SUN3: variants seen among roughly 807,000 people sequenced by gnomAD.
SUN3 encodes Sad1 and UNC84 domain containing 3, also known as SUN domain-containing protein 3.
SUN3 carries 36 observed loss-of-function variants against 48.2 expected under a neutral mutation model. The ratio of observed to expected loss-of-function variants is 0.75; its 90% CI spans 0.57 to 0.99. The LOEUF is 0.99. Ranked by LOEUF, SUN3 falls within the 50% of genes least tolerant of loss-of-function variation. SUN3 has a pLI of 0.00. For synonymous variants in SUN3, 148 were observed against 147.9 expected (o/e 1.00, Z 0.00); for missense variants, 419 against 433.1 (o/e 0.97, Z 0.29).
intron 3 of SUN3, among the ~76,000 whole-genome samples, chr7:48,013,063 T>C (rs1229738429): frequency 6.6e-6 from 1 of 152,190 alleles, no homozygotes; most frequent in Non-Finnish European, 1.5e-5. Context: ...CATAAATGGA[T>C]TAAGACTGTG....
chr7:47,988,095 T>C (rs1788951195), intron 9 of SUN3, among the ~76,000 whole-genome samples: 1 of 152,168 alleles, frequency 6.6e-6, no homozygotes, highest in South Asian at 2.1e-4. Flanking sequence ...TGAGCCCAAA[T>C]GCATATGAAT....
chr7:48,027,637 G>A (rs1167059430), intron 1 of SUN3, among the ~76,000 whole-genome samples: 5 of 152,164 alleles, frequency 3.3e-5, no homozygotes, highest in African/African-American at 1.2e-4. Flanking sequence ...TTCATTAACT[G>A]TATTCACTAG....
At chr7:48,013,450 T>C (rs192154288) in intron 3 of SUN3, among the ~76,000 whole-genome samples, 1 of 152,314 alleles carries the variant, frequency 6.6e-6, no homozygotes, top group African/African-American at 2.4e-5. Flanking sequence ...TATCAAATCA[T>C]TGGGATTCAA....
chr7:47,996,351 T>G (rs1213075761), intron 6 of SUN3, among the ~76,000 whole-genome samples: 2 of 152,182 alleles, frequency 1.3e-5, no homozygotes, highest in Admixed American at 6.5e-5. Context: ...TAGTTTGTTC[T>G]GTTTAGTTTC....
At chr7:48,035,835 C>T in the SUN3 span, among the ~76,000 whole-genome samples, 1 of 152,222 alleles carries the variant, frequency 6.6e-6, no homozygotes, top group Non-Finnish European at 1.5e-5. The surrounding 1 kb of genome is among the most constrained non-coding windows in gnomAD (Gnocchi z 4.0). Context: ...CTTATCCTCT[C>T]TGTACTTGCT....
At position 48,000,868 on chromosome 7, in the gene SUN3, G is replaced by T. The variant is rs1475649585; in HGVS notation, c.578-4722C>A. On this transcript the variant is annotated intron_variant, in intron 6 of 9. Transcript: ENST00000297325. ...TGCTTTTTGAGTCTGTAAATTTATG[G>T]TTTTTTTTTTTTAAATCGAGTTTGA... 2.8e-4 allele frequency among the ~76,000 whole-genome samples: 40 copies of T among 143,836 alleles called. 1 individual carries two copies. The highest frequency in any genetic ancestry group is 7.9e-4 in the African/African-American group (31 of 39,452). 94.4% of individuals were successfully genotyped at this position (143,836 alleles called of 152,430 possible).
chr7:48,011,640 C>T (rs1033621745), intron 3 of SUN3, among the ~76,000 whole-genome samples: 4 of 152,116 alleles, frequency 2.6e-5, no homozygotes, highest in African/African-American at 7.2e-5. Flanking sequence ...AAATACTCCT[C>T]AATTAATTTG....
the SUN3 span, among the ~76,000 whole-genome samples, chr7:48,035,089 G>A: frequency 2.6e-5 from 4 of 152,080 alleles, no homozygotes; most frequent in African/African-American, 9.7e-5. This position sits in a 1 kb window ranked among gnomAD's most constrained non-coding sequence, Gnocchi z 4.0. Flanking sequence ...GTATACTGGT[G>A]GGGTGTTTTG....
upstream of SUN3, among the ~76,000 whole-genome samples, chr7:48,033,092 G>A (rs1342246281): frequency 1.3e-5 from 2 of 152,144 alleles, no homozygotes; most frequent in Non-Finnish European, 2.9e-5. Context: ...TAAATACTGA[G>A]GCCGATTATG....
chr7:48,008,326 C>T (rs1283733642), intron 4 of SUN3, among the ~76,000 whole-genome samples: 1 of 152,192 alleles, frequency 6.6e-6, no homozygotes, highest in African/African-American at 2.4e-5. Context: ...ATTTTAATGA[C>T]TTTCTACCAG....
intron 6 of SUN3, among the ~76,000 whole-genome samples, chr7:48,001,565 G>C (rs1384147888): frequency 8.0e-6 from 1 of 125,440 alleles, no homozygotes; most frequent in Non-Finnish European, 1.6e-5. Context: ...ACAGAGTCTC[G>C]CTCTGTTGCC....
chr7:48,017,372 A>T lies in SUN3; in HGVS notation c.185-7T>A, dbSNP rs1214986740. On this transcript the variant is annotated splice_polypyrimidine_tract_variant and splice_region_variant and intron_variant, in intron 2 of 9. Coordinates refer to ENST00000297325, the MANE Select transcript of SUN3 (RefSeq NM_001030019.2). ...CACTGATGATTTAGGAGTCCTGTTA[A>T]AGAAAAGACAAACTTTGATTAAAGA... The T allele has an allele frequency of 1.4e-6, 2 of 1,477,974 alleles. No individual in the cohort carries two copies. The highest frequency in any genetic ancestry group is 1.9e-6 in the Non-Finnish European group (2 of 1,066,876). The allele number at this position is 1,477,974 out of a possible 1,614,324, so 91.6% of individuals were successfully genotyped here. A position where few individuals can be genotyped will look rare whatever the true frequency, so the allele number is the denominator to read the frequency against.
intron 2 of SUN3, among the ~76,000 whole-genome samples, chr7:48,020,952 A>G (rs189997474): frequency 4.9e-4 from 74 of 152,318 alleles, no homozygotes; most frequent in African/African-American, 1.7e-3. Context: ...TGGAACCACA[A>G]AAGACCCCAA....
intron 3 of SUN3, among the ~76,000 whole-genome samples, chr7:48,016,679 A>G (rs1247310419): frequency 6.6e-6 from 1 of 152,190 alleles, no homozygotes; most frequent in African/African-American, 2.4e-5. Context: ...TTGCCATTTT[A>G]TTTGTGCTTG....
At chr7:48,035,366 G>C in the SUN3 span, 1 of 604,448 alleles carries the variant, frequency 1.7e-6, no homozygotes, top group African/African-American at 1.9e-5. This position sits in a 1 kb window ranked among gnomAD's most constrained non-coding sequence, Gnocchi z 4.0. Flanking sequence ...GTCCGGCTCT[G>C]GGCTACGGGC....
At chr7:48,001,841 C>T (rs900938454) in intron 6 of SUN3, among the ~76,000 whole-genome samples, 3 of 152,084 alleles carry the variant, frequency 2.0e-5, no homozygotes, top group African/African-American at 7.2e-5. Context: ...TGGCCAGTTC[C>T]ATGTCTTTTC....
intron 4 of SUN3, among the ~76,000 whole-genome samples, chr7:48,007,960 A>G (rs1341430891): frequency 1.3e-5 from 2 of 151,952 alleles, no homozygotes; most frequent in South Asian, 4.1e-4. Context: ...AGCAGCTAGG[A>G]TAACAGGCAC....
At chr7:48,000,128 C>T (rs546757376) in intron 6 of SUN3, 1 of 152,146 alleles carries the variant, frequency 6.6e-6, no homozygotes, top group African/African-American at 2.4e-5. Context: ...AGAAAATTAC[C>T]TCATCTTTTG....
intron 9 of SUN3, 60 bp from the exon 10 acceptor site, chr7:47,987,509 A>G: frequency 1.4e-6 from 2 of 1,400,372 alleles, no homozygotes; most frequent in Admixed American, 2.5e-5. Flanking sequence ...AAGAATCCCA[A>G]TGAATACTGA....
Sources: allele counts gnomAD v4.1 joint callset (sites outside exome capture counted in the v4.1 genomes callset), GRCh38; gene constraint gnomAD v4.1.1; non-coding constraint Gnocchi (gnomAD v3.1); transcripts MANE v1.5; gene names NCBI Gene and HGNC (gene_info 2026-07-23, HGNC 2026-07-21).